CFH: variants seen among roughly 807,000 people sequenced by gnomAD.
CFH encodes the protein complement factor H, also known as H factor 1 (complement).
In CFH, 53 loss-of-function variants were observed where a neutral mutation model predicts 147.3. That is an observed-to-expected ratio of 0.36 (90% CI 0.29 to 0.45). CFH has a LOEUF of 0.45. Ranked by LOEUF, CFH falls within the 20% of genes least tolerant of loss-of-function variation. CFH has a pLI of 1.00. For missense variants in CFH, 1,380 were observed against 1,498.0 expected (o/e 0.92, Z 1.30); for synonymous variants, 536 against 489.4 (o/e 1.10, Z -1.26).
chr1:196,721,793 A>T (rs1368268644), intron 11 of CFH, among the ~76,000 whole-genome samples: 1 of 145,364 alleles, frequency 6.9e-6, no homozygotes, highest in Non-Finnish European at 1.5e-5. Flanking sequence ...TTCCTTTATC[A>T]TTGTGTAATG....
At chr1:196,663,268 CAT>C (rs1454932418) in intron 1 of CFH, among the ~76,000 whole-genome samples, 3 of 152,260 alleles carry the variant, frequency 2.0e-5, no homozygotes, top group Admixed American at 6.5e-5. Flanking sequence ...ATTTTCCACA[CAT>C]GTGTGTCTCC....
chr1:196,736,544 A>G (rs1669406421), intron 15 of CFH, among the ~76,000 whole-genome samples: 2 of 151,942 alleles, frequency 1.3e-5, no homozygotes, highest in African/African-American at 4.8e-5. Context: ...AAATTATGCA[A>G]ATTTATTAAA....
chr1:196,718,885 A>G (rs1668933544), intron 11 of CFH, among the ~76,000 whole-genome samples: 1 of 152,070 alleles, frequency 6.6e-6, no homozygotes, highest in African/African-American at 2.4e-5. Flanking sequence ...ACAGGCCTCC[A>G]AACATTAAAC....
intron 9 of CFH, among the ~76,000 whole-genome samples, chr1:196,712,885 C>T (rs1173867088): frequency 3.3e-5 from 5 of 150,208 alleles, no homozygotes; most frequent in East Asian, 2.0e-4. Flanking sequence ...TTTGTCCTTG[C>T]GATAGTTTAC....
intron 15 of CFH, among the ~76,000 whole-genome samples, chr1:196,733,576 G>A (rs1317685159): frequency 6.6e-6 from 1 of 152,072 alleles, no homozygotes; most frequent in Non-Finnish European, 1.5e-5. Context: ...GGGCAATGAA[G>A]CTCCTGGAAG....
chr1:196,702,295 G>A (rs1248901707), intron 9 of CFH, among the ~76,000 whole-genome samples: 1 of 151,872 alleles, frequency 6.6e-6, no homozygotes, highest in Non-Finnish European at 1.5e-5. Context: ...ATTTAGGCAG[G>A]GTGTCACTTC....
At position 196,747,437 on chromosome 1, in the gene CFH, A is replaced by G; in HGVS notation, c.*124A>G. ...GTAAAATTTTGGATTAATTTGTGAA[A>G]ATGTAATTATAAGCTGAGACCGGTG... On this transcript the variant is annotated 3_prime_UTR_variant, in exon 22 of 22. Coordinates refer to ENST00000367429, the MANE Select transcript of CFH (RefSeq NM_000186.4). 1 of 1,181,118 alleles carries G rather than the reference A, an allele frequency of 8.5e-7. No individual in the cohort carries two copies. The highest frequency in any genetic ancestry group is 1.5e-5 in the African/African-American group (1 of 64,850). 73.2% of individuals were successfully genotyped at this position (1,181,118 alleles called of 1,614,324 possible).
Position 196,725,137 on chromosome 1 carries a change from T to A in CFH, c.1713T>A (p.Leu571=). ...LPICYERECE[L]PKIDVHLVPD... ...TTTTTCAAGAAAGAGAATGCGAACTTCCTAAAATAGATGTACACTTAGTTC... is the reference window on the plus strand; with the variant it reads ...TTTTTCAAGAAAGAGAATGCGAACTACCTAAAATAGATGTACACTTAGTTC... The change falls in exon 12 of 22, where the codon CTT becomes CTA. Residue 571 remains leucine (L), a synonymous_variant. Transcript: ENST00000367429. 1 of 1,613,464 alleles carries A rather than the reference T, an allele frequency of 6.2e-7. No homozygotes were observed. The highest frequency in any genetic ancestry group is 8.5e-7 in the Non-Finnish European group (1 of 1,179,618).
In CFH at chr1:196,740,637, C is replaced by T; in HGVS notation, c.2801C>T (p.Pro934Leu). The change falls in exon 18 of 22, where the codon CCA becomes CTA. Residue 934 changes from proline (P) to leucine (L), a missense_variant. Transcript: ENST00000367429. ...PQCEGLPCKSPPEISHGVVAH... is the reference protein window; with the variant it reads ...PQCEGLPCKSLPEISHGVVAH... ...TTTTTAGGCCTTCCTTGTAAATCTCCACCTGAGATTTCTCATGGTGTTGTA... is the reference window on the plus strand; with the variant it reads ...TTTTTAGGCCTTCCTTGTAAATCTCTACCTGAGATTTCTCATGGTGTTGTA... The T allele has an allele frequency of 6.2e-7, 1 of 1,613,596 alleles. No homozygotes were observed. Among genetic ancestry groups the T allele is most frequent in the Non-Finnish European group, 8.5e-7 (1 of 1,179,860 alleles).
At position 196,747,400 on chromosome 1, in the gene CFH, T is replaced by C. The variant is rs1360949137; in HGVS notation, c.*87T>C. On this transcript the variant is annotated 3_prime_UTR_variant, in exon 22 of 22. Coordinates refer to ENST00000367429, the MANE Select transcript of CFH (RefSeq NM_000186.4). ...ATTTTTTATGTATTGTTTTACTCCT[T>C]TTTATTCATACGTAAAATTTTGGAT... 3 of 1,528,940 alleles carry C rather than the reference T, an allele frequency of 2.0e-6. No individual in the cohort carries two copies. In the African/African-American group the frequency reaches 4.1e-5, roughly 21 times the overall value. 94.7% of individuals were successfully genotyped at this position (1,528,940 alleles called of 1,614,324 possible).
intron 11 of CFH, 142 bp from the exon 12 acceptor site, chr1:196,724,979 A>G: frequency 1.5e-6 from 1 of 650,306 alleles, no homozygotes; most frequent in Middle Eastern, 4.1e-4. Flanking sequence ...CATAATATGT[A>G]GCATTCTTTA....
rs200638179 is a variant in CFH at position 196,747,328 on chromosome 1, T to C, written c.*15T>C. 3.7e-6 allele frequency: 6 copies of C among 1,614,090 alleles called. No individual in the cohort carries two copies. The highest frequency in any genetic ancestry group is 5.1e-6 in the Non-Finnish European group (6 of 1,179,936). On this transcript the variant is annotated 3_prime_UTR_variant, in exon 22 of 22. Coordinates refer to ENST00000367429, the MANE Select transcript of CFH (RefSeq NM_000186.4). Reference sequence around the variant, plus strand: ...CAAAAAGATAGAATCAATCATAAAGTGCACACCTTTATTCAGAACTTTAGT... The same window carrying C: ...CAAAAAGATAGAATCAATCATAAAGCGCACACCTTTATTCAGAACTTTAGT...
At chr1:196,680,015 A>T (rs1296261517) in intron 6 of CFH, among the ~76,000 whole-genome samples, 1 of 151,930 alleles carries the variant, frequency 6.6e-6, no homozygotes, top group Non-Finnish European at 1.5e-5. Flanking sequence ...AGAAAAGTTC[A>T]GTAGCTTATT....
At chr1:196,735,606 C>A (rs1236435184) in intron 15 of CFH, among the ~76,000 whole-genome samples, 1 of 151,116 alleles carries the variant, frequency 6.6e-6, no homozygotes, top group Non-Finnish European at 1.5e-5. Flanking sequence ...TCAGAAAAAA[C>A]AAATAAAAAA....
intron 9 of CFH, among the ~76,000 whole-genome samples, chr1:196,712,497 C>A (rs1252778100): frequency 2.6e-5 from 4 of 151,600 alleles, no homozygotes; most frequent in Non-Finnish European, 5.9e-5. Flanking sequence ...TCATTCAATT[C>A]AAAATATTTA....
chr1:196,703,244 G>T (rs1333649568), intron 9 of CFH, among the ~76,000 whole-genome samples: 2 of 152,108 alleles, frequency 1.3e-5, no homozygotes, highest in Non-Finnish European at 2.9e-5. Context: ...AGAACCACCT[G>T]GGCCCCCAAA....
chr1:196,703,778 A>G (rs1247790488), intron 9 of CFH, among the ~76,000 whole-genome samples: 1 of 151,814 alleles, frequency 6.6e-6, no homozygotes, highest in Non-Finnish European at 1.5e-5. Flanking sequence ...AGGTCAGGAG[A>G]TCGAGACCAT....
intron 9 of CFH, among the ~76,000 whole-genome samples, chr1:196,704,183 C>T (rs1668530427): frequency 6.6e-6 from 1 of 152,018 alleles, no homozygotes; most frequent in South Asian, 2.1e-4. Flanking sequence ...AAACCTCCAC[C>T]TCACGAGCTA....
At chr1:196,735,053 C>A (rs912919237) in intron 15 of CFH, among the ~76,000 whole-genome samples, 3 of 152,024 alleles carry the variant, frequency 2.0e-5, no homozygotes, top group African/African-American at 7.2e-5. Context: ...AAGCTCTATT[C>A]TTTTAAGCAC....
Sources: allele counts gnomAD v4.1 joint callset (sites outside exome capture counted in the v4.1 genomes callset), GRCh38; gene constraint gnomAD v4.1.1; transcripts MANE v1.5; gene names NCBI Gene and HGNC (gene_info 2026-07-23, HGNC 2026-07-21).